The following WNT3A variants were observed in gnomAD, a reference collection of about 807,000 sequenced individuals.
WNT3A encodes protein Wnt-3a.
In WNT3A, 17 loss-of-function variants were observed where a neutral mutation model predicts 37.0. The ratio of observed to expected loss-of-function variants is 0.46; its 90% CI spans 0.31 to 0.69. The LOEUF is 0.69. Ranked by LOEUF, WNT3A falls within the 30% of genes least tolerant of loss-of-function variation. The probability of loss-of-function intolerance (pLI) is 0.05; values close to 1 mark genes in which losing one functional copy is unlikely to be tolerated. For synonymous variants in WNT3A, 187 were observed against 211.0 expected, an observed-to-expected ratio of 0.89 and a Z score of 0.99; for missense variants, 411 against 510.2, an observed-to-expected ratio of 0.81 and a Z score of 1.87.
At chr1:228,029,069 C>T (rs73110765) in intron 2 of WNT3A, among the ~76,000 whole-genome samples, 2,810 of 152,244 alleles carry the variant, frequency 0.018, 81 homozygotes, top group African/African-American at 0.051. Context: ...CCTTCACTGT[C>T]CCAGGCAGGT....
intron 1 of WNT3A, among the ~76,000 whole-genome samples, chr1:228,013,105 A>G (rs2030422151): frequency 6.6e-6 from 1 of 152,104 alleles, no homozygotes; most frequent in African/African-American, 2.4e-5. Flanking sequence ...CTCTCTCTAG[A>G]AGAAACCATG....
At chr1:228,058,726 G>A (rs575084949) in intron 3 of WNT3A, among the ~76,000 whole-genome samples, 1 of 152,364 alleles carries the variant, frequency 6.6e-6, no homozygotes, top group African/African-American at 2.4e-5. Flanking sequence ...ACCCTAGACA[G>A]TGTAGAAGTA....
At chr1:228,016,839 C>T (rs2030547387) in intron 1 of WNT3A, among the ~76,000 whole-genome samples, 1 of 152,010 alleles carries the variant, frequency 6.6e-6, no homozygotes, top group Non-Finnish European at 1.5e-5. Context: ...GTGCCAGGCT[C>T]CTTCTAACAA....
chr1:228,012,360 A>T (rs1440381239), intron 1 of WNT3A, among the ~76,000 whole-genome samples: 2 of 152,236 alleles, frequency 1.3e-5, no homozygotes, highest in Non-Finnish European at 2.9e-5. Context: ...ATCAGAACAG[A>T]AATGGGAATT....
In WNT3A at chr1:228,060,592, C is replaced by G; in HGVS notation, c.*1127C>G. On this transcript the variant is annotated 3_prime_UTR_variant, in exon 4 of 4. Transcript: ENST00000284523. ...GCCCGGGCTCCCACACCGTCAGGTA[C>G]TCCTGCCAGGGAACTGGCCTGCTGC... The G allele has an allele frequency of 4.0e-6, 1 of 247,460 alleles. No homozygotes were observed. The highest frequency in any genetic ancestry group is 4.3e-5 in the South Asian group (1 of 23,054). 15.3% of individuals were successfully genotyped at this position (247,460 alleles called of 1,614,324 possible). A position where few individuals can be genotyped will look rare whatever the true frequency, so the allele number is the denominator to read the frequency against.
intron 1 of WNT3A, among the ~76,000 whole-genome samples, chr1:228,014,940 T>C (rs1477035485): frequency 6.6e-6 from 1 of 152,262 alleles, no homozygotes; most frequent in South Asian, 2.1e-4. Context: ...GGGGCCATTT[T>C]ATAAAACTAC....
intron 3 of WNT3A, among the ~76,000 whole-genome samples, chr1:228,052,250 T>C (rs959875360): frequency 6.6e-6 from 1 of 152,210 alleles, no homozygotes. Flanking sequence ...TTCAAGCGAT[T>C]CTCCTGCCTC....
At position 228,039,024 on chromosome 1, in the gene WNT3A, C is replaced by T. The variant is rs1446268325; in HGVS notation, c.314-11632C>T. ...TGGGCAATGTTGGGAGTCTGGGCCCCCAGCACCCGGCTGGACTGGCCACCA... is the reference window on the plus strand; with the variant it reads ...TGGGCAATGTTGGGAGTCTGGGCCCTCAGCACCCGGCTGGACTGGCCACCA... On this transcript the variant is annotated intron_variant, in intron 2 of 3. Coordinates refer to ENST00000284523, the MANE Select transcript of WNT3A (RefSeq NM_033131.4). This position sits in a 1 kb window ranked among gnomAD's most constrained non-coding sequence, Gnocchi z 4.1. Among the ~76,000 whole-genome samples the T allele has an allele frequency of 6.6e-6, 1 of 152,108 alleles. No individual in the cohort carries two copies. Among genetic ancestry groups the T allele is most frequent in the Non-Finnish European group, 1.5e-5 (1 of 67,994 alleles).
Position 228,007,277 on chromosome 1 carries a change from C to G in WNT3A, c.71+78C>G. 6.9e-7 allele frequency: 1 copy of G among 1,445,880 alleles called. No homozygotes were observed. The allele number at this position is 1,445,880 out of a possible 1,614,324, so 89.6% of individuals were successfully genotyped here. ...AGACGGTCCCCTCGGGCAGGGACCC[C>G]GCGGTGGCCCGAGCCCGCGCCCTTC... On this transcript the variant is annotated intron_variant, in intron 1 of 3. Coordinates refer to ENST00000284523, the MANE Select transcript of WNT3A (RefSeq NM_033131.4). This position sits in a 1 kb window ranked among gnomAD's most constrained non-coding sequence, Gnocchi z 6.0.
intron 1 of WNT3A, among the ~76,000 whole-genome samples, chr1:228,016,300 T>TAG (rs1355369650): frequency 6.6e-6 from 1 of 152,062 alleles, no homozygotes; most frequent in East Asian, 1.9e-4. Context: ...ATGTCCAAGC[T>TAG]AGAGGCAGCC....
chr1:228,020,696 G>C (rs544800425), intron 1 of WNT3A, among the ~76,000 whole-genome samples: 5 of 152,212 alleles, frequency 3.3e-5, no homozygotes, highest in Admixed American at 2.6e-4. Context: ...GGATACCTGC[G>C]TGTAGTGAAT....
At chr1:228,035,736 C>T (rs2031120973) in intron 2 of WNT3A, among the ~76,000 whole-genome samples, 1 of 152,150 alleles carries the variant, frequency 6.6e-6, no homozygotes, top group East Asian at 1.9e-4. Context: ...CCCCCATTTC[C>T]GGTTGTTTTC....
At position 228,009,632 on chromosome 1, in the gene WNT3A, C is replaced by T. The variant is rs543784231; in HGVS notation, c.71+2433C>T. On this transcript the variant is annotated intron_variant, in intron 1 of 3. Transcript: ENST00000284523. ...CCCCCAGCCCCTCCCTAACATGAAG[C>T]CGCTGGCCCCTTGATTCTCCCCCCT... Among the ~76,000 whole-genome samples, 6 of 152,276 alleles carry T rather than the reference C, an allele frequency of 3.9e-5. No homozygotes were observed. The East Asian group carries it at 1.2e-3, about 29-fold the overall frequency.
At chr1:228,035,202 T>A (rs1283011016) in intron 2 of WNT3A, among the ~76,000 whole-genome samples, 1 of 152,166 alleles carries the variant, frequency 6.6e-6, no homozygotes, top group African/African-American at 2.4e-5. Context: ...ACATATGCAG[T>A]ATTTTCTAGG....
chr1:228,037,016 T>TC lies in WNT3A; in HGVS notation c.314-13634dup, dbSNP rs1041557154. Among the ~76,000 whole-genome samples the TC allele has an allele frequency of 2.0e-5, 3 of 150,884 alleles. No individual in the cohort carries two copies. Among genetic ancestry groups the TC allele is most frequent in the Non-Finnish European group, 4.4e-5 (3 of 67,602 alleles). Reference sequence around the variant, plus strand: ...CTCTAACATGGGCTGGGCCCAGGAGTCCCCCCGGGCCCTGGCACCTGCCAG... The same window carrying TC: ...CTCTAACATGGGCTGGGCCCAGGAGTCCCCCCCGGGCCCTGGCACCTGCCAG... On this transcript the variant is annotated intron_variant, in intron 2 of 3. Transcript: ENST00000284523. The surrounding 1 kb of genome is among the most constrained non-coding windows in gnomAD (Gnocchi z 4.1).
chr1:228,055,905 G>A (rs776700817), intron 3 of WNT3A, among the ~76,000 whole-genome samples: 2 of 152,200 alleles, frequency 1.3e-5, no homozygotes, highest in Non-Finnish European at 2.9e-5. Context: ...TGATCTGAGG[G>A]ACGCCAAGCA....
chr1:228,053,022 A>G (rs919408288), intron 3 of WNT3A, among the ~76,000 whole-genome samples: 4 of 152,186 alleles, frequency 2.6e-5, no homozygotes, highest in Non-Finnish European at 5.9e-5. Flanking sequence ...ATGCTGCTGT[A>G]AAAGGGCTTG....
intron 1 of WNT3A, 67 bp from the exon 2 acceptor site, chr1:228,022,600 T>G: frequency 1.3e-6 from 2 of 1,561,804 alleles, no homozygotes; most frequent in Non-Finnish European, 1.7e-6. Flanking sequence ...GAGCAAAGGG[T>G]CTGTAGCCTG....
At position 228,059,114 on chromosome 1, in the gene WNT3A, C is replaced by T. The variant is rs1219441181; in HGVS notation, c.708C>T (p.Asp236=). 6.2e-7 allele frequency: 1 copy of T among 1,613,788 alleles called. No homozygotes were observed. Among genetic ancestry groups the T allele is most frequent in the Admixed American group, 1.7e-5 (1 of 60,034 alleles). The change falls in exon 4 of 4, where the codon GAC becomes GAT. Residue 236 remains aspartate (D), a synonymous_variant. Coordinates refer to ENST00000284523, the MANE Select transcript of WNT3A (RefSeq NM_033131.4). ...AIGDFLKDKY[D]SASEMVVEKH... is the part of the protein sequence containing the mutation. ...GTGACTTCCTCAAGGACAAGTACGA[C>T]AGCGCCTCGGAGATGGTGGTGGAGA... is the stretch of plus-strand genomic sequence containing the variant.
Sources: gnomAD v4.1 joint callset for allele counts (sites outside exome capture counted in the v4.1 genomes callset) on GRCh38, gnomAD v4.1.1 for gene constraint, Gnocchi (gnomAD v3.1) non-coding constraint, MANE v1.5 for transcripts, NCBI Gene and HGNC (gene_info 2026-07-23, HGNC 2026-07-21) for gene names.